MXD1: variants seen among roughly 807,000 people sequenced by gnomAD.
MXD1 encodes the protein MAX dimerization protein 1.
In MXD1, 9 loss-of-function variants were observed where a neutral mutation model predicts 25.7. The ratio of observed to expected loss-of-function variants is 0.35; its 90% confidence interval spans 0.21 to 0.61. The LOEUF (loss-of-function observed/expected upper bound fraction) is 0.61, where lower values mean the gene tolerates loss of function less well. MXD1 is among the 20% of genes least tolerant of loss of function. The pLI, the probability that MXD1 is intolerant of heterozygous loss-of-function variation, is 0.75. For missense variants in MXD1, 227 were observed against 292.4 expected (o/e 0.78, Z 1.63); for synonymous variants, 99 against 113.9 (o/e 0.87, Z 0.83).
rs150645882 is a variant in MXD1 at position 69,935,384 on chromosome 2, G to A, written c.237G>A (p.Leu79=). ...ATCTTCGCTTGTGCCTGGAGAAGTT[G>A]AAGGGGCTGGTGCCACTTGGACCCG... ...RAHLRLCLEK[L]KGLVPLGPES... is the part of the protein sequence containing the mutation. The change falls in exon 4 of 6, where the codon TTG becomes TTA. Residue 79 remains leucine (L), a synonymous_variant. Transcript: ENST00000264444. 2 of 1,614,142 alleles carry A rather than the reference G, an allele frequency of 1.2e-6. No individual in the cohort carries two copies. Among genetic ancestry groups the A allele is most frequent in the Non-Finnish European group, 1.7e-6 (2 of 1,179,992 alleles).
intron 3 of MXD1, among the ~76,000 whole-genome samples, chr2:69,932,663 C>T (rs1313101426): frequency 6.6e-6 from 1 of 152,156 alleles, no homozygotes; most frequent in African/African-American, 2.4e-5. Context: ...TGGAAACCCA[C>T]ATTTGGGTAG....
chr2:69,937,123 A>C, intron 4 of MXD1, 112 bp from the exon 5 acceptor site: 1 of 1,387,564 alleles, frequency 7.2e-7, no homozygotes, highest in Non-Finnish European at 1.0e-6. Flanking sequence ...GTGGCACCGA[A>C]AGGCGTCTGA....
In MXD1 at chr2:69,940,486, AT is replaced by A. The variant is rs1446651013; in HGVS notation, c.*2205del. The A allele has an allele frequency of 6.6e-6, 1 of 152,614 alleles. No homozygotes were observed. Among genetic ancestry groups the A allele is most frequent in the East Asian group, 1.9e-4 (1 of 5,196 alleles). 9.5% of individuals were successfully genotyped at this position (152,614 alleles called of 1,614,324 possible). On this transcript the variant is annotated 3_prime_UTR_variant, in exon 6 of 6. Coordinates refer to ENST00000264444, the MANE Select transcript of MXD1 (RefSeq NM_002357.4). ...GCACTGGGGGAGGGAAGGGAACAAA[AT>A]TTGTGTACTTCTTTGTTTAATTTAG... is the stretch of plus-strand genomic sequence containing the variant.
chr2:69,917,249 G>A (rs942471534), intron 2 of MXD1, among the ~76,000 whole-genome samples: 2 of 152,098 alleles, frequency 1.3e-5, no homozygotes, highest in East Asian at 1.9e-4. Context: ...CTTTAGTATC[G>A]TTAGTGGAAC....
At position 69,935,391 on chromosome 2, in the gene MXD1, C is replaced by G. The variant is rs1355094899; in HGVS notation, c.244C>G (p.Leu82Val). The change falls in exon 4 of 6, where the codon CTG (leucine) becomes GTG (valine). Residue 82 changes from leucine (L) to valine (V), a missense_variant. Coordinates refer to ENST00000264444, the MANE Select transcript of MXD1 (RefSeq NM_002357.4). ...LRLCLEKLKG[L>V]VPLGPESSRH... Reference sequence around the variant, plus strand: ...CTTGTGCCTGGAGAAGTTGAAGGGGCTGGTGCCACTTGGACCCGAATCAAG... The same window carrying G: ...CTTGTGCCTGGAGAAGTTGAAGGGGGTGGTGCCACTTGGACCCGAATCAAG... 3 of 1,613,992 alleles carry G rather than the reference C, an allele frequency of 1.9e-6. No individual in the cohort carries two copies. The highest frequency in any genetic ancestry group is 2.5e-6 in the Non-Finnish European group (3 of 1,179,996).
At chr2:69,930,381 C>G (rs867267553) in intron 3 of MXD1, among the ~76,000 whole-genome samples, 4 of 152,192 alleles carry the variant, frequency 2.6e-5, no homozygotes, top group Admixed American at 2.6e-4. Flanking sequence ...CCAGACTCTT[C>G]AGGACACTTG....
chr2:69,915,336 G>A lies in MXD1; in HGVS notation c.6G>A (p.Ala2=). The change falls in exon 1 of 6, where the codon GCG becomes GCA. Residue 2 remains alanine, a synonymous_variant. Transcript: ENST00000264444. This position sits in a 1 kb window ranked among gnomAD's most constrained non-coding sequence, Gnocchi z 5.8. M[A]AAVRMNIQML... The stretch of plus-strand genomic sequence containing the variant: ...GCTCCGGCCCCCGGTGCAGAATGGC[G>A]GCGGCGGTTCGGATGAACATCCAGA... The A allele has an allele frequency of 7.6e-7, 1 of 1,309,554 alleles. No individual in the cohort carries two copies. The highest frequency in any genetic ancestry group is 9.8e-7 in the Non-Finnish European group (1 of 1,020,300). 81.1% of individuals were successfully genotyped at this position (1,309,554 alleles called of 1,614,324 possible).
chr2:69,925,857 C>T (rs781089702), intron 3 of MXD1, among the ~76,000 whole-genome samples: 5 of 152,128 alleles, frequency 3.3e-5, no homozygotes, highest in African/African-American at 4.8e-5. Flanking sequence ...GGATTGTCCA[C>T]CAGGCAGGTT....
intron 2 of MXD1, 36 bp downstream of exon 2, chr2:69,916,256 T>A (rs752262675): frequency 1.9e-5 from 24 of 1,282,096 alleles, no homozygotes; most frequent in Non-Finnish European, 2.7e-5. Flanking sequence ...TCTTTTAGAT[T>A]ATATTGTAGG....
chr2:69,935,632 C>A (rs1677413064), intron 4 of MXD1, among the ~76,000 whole-genome samples, 167 bp downstream of exon 4: 1 of 152,152 alleles, frequency 6.6e-6, no homozygotes, highest in Non-Finnish European at 1.5e-5. Flanking sequence ...GAGTGTTTCT[C>A]ACTCCCATGC....
At chr2:69,934,552 T>A (rs1677374190) in intron 3 of MXD1, among the ~76,000 whole-genome samples, 1 of 152,174 alleles carries the variant, frequency 6.6e-6, no homozygotes, top group African/African-American at 2.4e-5. Context: ...CATCACTTCC[T>A]TCCTTATCTC....
chr2:69,938,440 A>G lies in MXD1; in HGVS notation c.*156A>G. On this transcript the variant is annotated 3_prime_UTR_variant, in exon 6 of 6. Transcript: ENST00000264444. ...AACTGTTTTCAAGGAGGTGCTTAGGATTGTGGGTTTCTGATTGCATCCACT... is the reference window on the plus strand; with the variant it reads ...AACTGTTTTCAAGGAGGTGCTTAGGGTTGTGGGTTTCTGATTGCATCCACT... 1.4e-6 allele frequency: 1 copy of G among 714,870 alleles called. No individual in the cohort carries two copies. The highest frequency in any genetic ancestry group is 2.3e-6 in the Non-Finnish European group (1 of 437,150). 44.3% of individuals were successfully genotyped at this position (714,870 alleles called of 1,614,324 possible).
intron 4 of MXD1, 85 bp downstream of exon 4, chr2:69,935,550 C>A: frequency 1.2e-6 from 1 of 866,896 alleles, no homozygotes; most frequent in East Asian, 2.6e-5. Flanking sequence ...CAGTCCTCTC[C>A]CCTGAACTCC....
intron 3 of MXD1, among the ~76,000 whole-genome samples, chr2:69,932,202 TC>T (rs1442791391): frequency 6.6e-6 from 1 of 151,984 alleles, no homozygotes; most frequent in African/African-American, 2.4e-5. Context: ...GGATTCTAGA[TC>T]CCAGGAGTTT....
rs1677624227 is a variant in MXD1, at chr2:69,942,270, C to T, written c.*3986C>T. The T allele has an allele frequency of 6.6e-6, 1 of 152,328 alleles. No individual in the cohort carries two copies. The highest frequency in any genetic ancestry group is 2.1e-4 in the South Asian group (1 of 4,820). The allele number at this position is 152,328 out of a possible 1,614,324, so 9.4% of individuals were successfully genotyped here. Reference sequence around the variant, plus strand: ...CTTTTCGATGAGGTGGTTTCTCATTCTACATCCTCTGATCTCTATAGACTG... The same window carrying T: ...CTTTTCGATGAGGTGGTTTCTCATTTTACATCCTCTGATCTCTATAGACTG... On this transcript the variant is annotated 3_prime_UTR_variant, in exon 6 of 6. Coordinates refer to ENST00000264444, the MANE Select transcript of MXD1 (RefSeq NM_002357.4).
intron 3 of MXD1, among the ~76,000 whole-genome samples, chr2:69,922,786 A>G (rs1470611056): frequency 1.3e-5 from 2 of 151,598 alleles, no homozygotes; most frequent in Non-Finnish European, 2.9e-5. Flanking sequence ...AGGCTGAGGC[A>G]GGAGAATCGC....
At position 69,915,493 on chromosome 2, in the gene MXD1, G is replaced by A. The variant is rs1452216564; in HGVS notation, c.73+90G>A. The stretch of plus-strand genomic sequence containing the variant: ...GTCCGGGCGCCCAGCCGCTCCGGGG[G>A]TGGTTGGAGGCGGGGAGACCGCGAG... On this transcript the variant is annotated intron_variant, in intron 1 of 5. Transcript: ENST00000264444. The surrounding 1 kb of genome is among the most constrained non-coding windows in gnomAD (Gnocchi z 5.8). 9.1e-7 allele frequency: 1 copy of A among 1,102,668 alleles called. No homozygotes were observed. Among genetic ancestry groups the A allele is most frequent in the Non-Finnish European group, 1.2e-6 (1 of 854,132 alleles). 68.3% of individuals were successfully genotyped at this position (1,102,668 alleles called of 1,614,324 possible).
Position 69,915,319 on chromosome 2 carries a change from C to T in MXD1, c.-12C>T. ...TGGGGGTTGGTCCCGTGGCTCCGGC[C>T]CCCGGTGCAGAATGGCGGCGGCGGT... is the stretch of plus-strand genomic sequence containing the variant. On this transcript the variant is annotated 5_prime_UTR_variant, in exon 1 of 6. Transcript: ENST00000264444. This position sits in a 1 kb window ranked among gnomAD's most constrained non-coding sequence, Gnocchi z 5.8. 1 of 1,309,294 alleles carries T rather than the reference C, an allele frequency of 7.6e-7. No individual in the cohort carries two copies. Among genetic ancestry groups the T allele is most frequent in the East Asian group, 3.1e-5 (1 of 32,150 alleles). The allele number at this position is 1,309,294 out of a possible 1,614,324, so 81.1% of individuals were successfully genotyped here.
Position 69,938,357 on chromosome 2 carries a change from C to T in MXD1, c.*73C>T. 2.7e-6 allele frequency: 4 copies of T among 1,470,448 alleles called. No homozygotes were observed. The highest frequency in any genetic ancestry group is 3.7e-6 in the Non-Finnish European group (4 of 1,070,994). 91.1% of individuals were successfully genotyped at this position (1,470,448 alleles called of 1,614,324 possible). On this transcript the variant is annotated 3_prime_UTR_variant, in exon 6 of 6. Transcript: ENST00000264444. ...CTGATTAGGTAACGTATTGGACCTG[C>T]CCACAACTCCCTTGCACGTAAACTT... is the stretch of plus-strand genomic sequence containing the variant.
Sources: allele counts gnomAD v4.1 joint callset (sites outside exome capture counted in the v4.1 genomes callset), GRCh38; gene constraint gnomAD v4.1.1; non-coding constraint Gnocchi (gnomAD v3.1); transcripts MANE v1.5; gene names NCBI Gene and HGNC (gene_info 2026-07-23, HGNC 2026-07-21).